The following PCDH15 variants were observed in gnomAD, a reference collection of about 807,000 sequenced individuals.
The protein encoded by PCDH15 is protocadherin related 15.
Under a neutral mutation model 178.5 loss-of-function variants are expected in PCDH15, and 129 were observed. That is an observed-to-expected ratio of 0.72 (90% CI 0.63 to 0.84). PCDH15 has a LOEUF of 0.84. Among genes scored for constraint, PCDH15 ranks in the 40% least tolerant of loss-of-function variants. The pLI is 0.00. For missense variants in PCDH15, 2,230 were observed against 2,099.9 expected (o/e 1.06, Z -1.21); for synonymous variants, 800 against 732.0 (o/e 1.09, Z -1.50).
intron 2 of PCDH15, among the ~76,000 whole-genome samples, chr10:55,540,725 G>C (rs1479272950): frequency 6.6e-6 from 1 of 152,010 alleles, no homozygotes; most frequent in Non-Finnish European, 1.5e-5. Context: ...AATCGAATAT[G>C]TTCCCCAATA....
intron 9 of PCDH15, among the ~76,000 whole-genome samples, chr10:54,219,082 T>C (rs1258839184): frequency 1.9e-5 from 2 of 107,414 alleles, no homozygotes; most frequent in African/African-American, 3.9e-5. Context: ...TGAAACCCTG[T>C]CTCTACTAAA....
intron 17 of PCDH15, among the ~76,000 whole-genome samples, chr10:54,074,729 C>T (rs2094308951): frequency 1.3e-5 from 2 of 152,062 alleles, no homozygotes; most frequent in South Asian, 4.1e-4. Context: ...TGATTGGGGG[C>T]TCATATAGTA....
intron 1 of PCDH15, among the ~76,000 whole-genome samples, chr10:55,207,795 C>T (rs575724274): frequency 3.6e-4 from 55 of 151,952 alleles, no homozygotes; most frequent in Non-Finnish European, 6.8e-4. Context: ...TGGTGAAACC[C>T]GTCTTTATTA....
intron 2 of PCDH15, among the ~76,000 whole-genome samples, chr10:55,383,457 G>A (rs1837584450): frequency 6.6e-6 from 1 of 152,066 alleles, no homozygotes; most frequent in Non-Finnish European, 1.5e-5. Flanking sequence ...TCATTTTCGG[G>A]CCACAATTTC....
In PCDH15 at chr10:53,803,133, A is replaced by C. The variant is rs896585281; in HGVS notation, c.*3446T>G. The C allele has an allele frequency of 1.2e-4, 18 of 151,998 alleles. No individual in the cohort carries two copies. Among genetic ancestry groups the C allele is most frequent in the African/African-American group, 4.3e-4 (18 of 41,440 alleles). 9.4% of individuals were successfully genotyped at this position (151,998 alleles called of 1,614,324 possible). Reference sequence around the variant, plus strand: ...TTGGGAATAGAAAGAAACTATCTATAAAATGTGTAAGTCCTCAACATTATT... The same window carrying C: ...TTGGGAATAGAAAGAAACTATCTATCAAATGTGTAAGTCCTCAACATTATT... On this transcript the variant is annotated 3_prime_UTR_variant, in exon 38 of 38. Transcript: ENST00000644397.
At chr10:54,862,401 A>G (rs113801015) in intron 3 of PCDH15, among the ~76,000 whole-genome samples, 4 of 152,340 alleles carry the variant, frequency 2.6e-5, no homozygotes, top group African/African-American at 7.2e-5. Flanking sequence ...TTGTCAATAT[A>G]GAGGAGGAGA....
At chr10:54,488,832 A>G (rs1422031668) in intron 3 of PCDH15, among the ~76,000 whole-genome samples, 9 of 151,996 alleles carry the variant, frequency 5.9e-5, no homozygotes, top group Non-Finnish European at 1.2e-4. Context: ...AGGAATCTCA[A>G]AAAATGTAGT....
At chr10:54,995,794 A>T (rs999398712) in intron 2 of PCDH15, among the ~76,000 whole-genome samples, 1 of 151,948 alleles carries the variant, frequency 6.6e-6, no homozygotes, top group Admixed American at 6.6e-5. Flanking sequence ...ATGAGATACT[A>T]GATTCCCCAC....
chr10:54,754,703 AT>A (rs1437227195), intron 1 of PCDH15, among the ~76,000 whole-genome samples: 11 of 152,028 alleles, frequency 7.2e-5, no homozygotes, highest in Non-Finnish European at 1.6e-4. Flanking sequence ...ACTATATCCC[AT>A]ATGATTATTT....
chr10:54,145,759 G>A (rs1203480826), intron 14 of PCDH15, among the ~76,000 whole-genome samples: 1 of 152,072 alleles, frequency 6.6e-6, no homozygotes, highest in Non-Finnish European at 1.5e-5. Context: ...TTAAGGTACA[G>A]AGGTGGGACT....
At chr10:54,889,500 G>GATATATATATATATATAT (rs397688090) in intron 3 of PCDH15, among the ~76,000 whole-genome samples, 4,515 of 141,500 alleles carry the variant, frequency 0.032, 112 homozygotes, top group Non-Finnish European at 0.047. Flanking sequence ...TAATTGTGAA[G>GATATATATATATATATAT]ATATATATAT....
chr10:54,188,195 TGTC>T (rs1273140353), intron 11 of PCDH15, among the ~76,000 whole-genome samples: 1 of 151,884 alleles, frequency 6.6e-6, no homozygotes, highest in Non-Finnish European at 1.5e-5. Context: ...AATTCCTTCT[TGTC>T]AAGCTGCATT....
chr10:54,309,321 AC>A (rs2133450777), intron 8 of PCDH15, among the ~76,000 whole-genome samples: 1 of 16,078 alleles, frequency 6.2e-5, no homozygotes, highest in African/African-American at 5.7e-4. Context: ...ATACGTACAT[AC>A]ACACACACAC....
intron 21 of PCDH15, among the ~76,000 whole-genome samples, chr10:53,979,745 G>A (rs1461515312): frequency 6.6e-6 from 1 of 152,144 alleles, no homozygotes. Context: ...AACATGTGGT[G>A]CTATTAAACG....
chr10:54,913,981 T>C (rs1373171893), intron 2 of PCDH15, among the ~76,000 whole-genome samples: 1 of 152,106 alleles, frequency 6.6e-6, no homozygotes, highest in Non-Finnish European at 1.5e-5. Flanking sequence ...TCACAGGCAG[T>C]AGGGGGTTGC....
At chr10:54,804,612 C>T (rs1257933725), upstream of PCDH15, among the ~76,000 whole-genome samples, 1 of 151,430 alleles carries the variant, frequency 6.6e-6, no homozygotes, top group Non-Finnish European at 1.5e-5. Context: ...CATGTTGGTT[C>T]ACAAATATAT....
At chr10:55,509,588 A>C (rs546745288) in intron 2 of PCDH15, among the ~76,000 whole-genome samples, 1 of 152,020 alleles carries the variant, frequency 6.6e-6, no homozygotes, top group South Asian at 2.1e-4. Flanking sequence ...TGTCCCATTA[A>C]ATTAATTGTA....
At chr10:54,425,791 G>T (rs778435797) in intron 3 of PCDH15, among the ~76,000 whole-genome samples, 1 of 152,068 alleles carries the variant, frequency 6.6e-6, no homozygotes, top group African/African-American at 2.4e-5. Context: ...CATAGGAATG[G>T]ATACTTAACT....
At chr10:53,842,338 C>A (rs995448650) in intron 28 of PCDH15, among the ~76,000 whole-genome samples, 1 of 152,064 alleles carries the variant, frequency 6.6e-6, no homozygotes, top group Non-Finnish European at 1.5e-5. Context: ...CTCACTGCAA[C>A]CTCCACCTCC....
Sources: gnomAD v4.1 joint callset for allele counts (sites outside exome capture counted in the v4.1 genomes callset) on GRCh38, gnomAD v4.1.1 for gene constraint, MANE v1.5 for transcripts, NCBI Gene and HGNC (gene_info 2026-07-23, HGNC 2026-07-21) for gene names.